Variants in PTPRG observed in about 807,000 individuals in gnomAD.
PTPRG encodes protein tyrosine phosphatase receptor type G, also known as receptor-type tyrosine-protein phosphatase gamma.
A neutral mutation model predicts 165.3 loss-of-function variants in PTPRG; 102 were observed. The observed-to-expected ratio is 0.62, with a 90% CI of 0.53 to 0.73. The LOEUF (loss-of-function observed/expected upper bound fraction) is 0.73, where lower values mean the gene tolerates loss of function less well. PTPRG is among the 30% of genes least tolerant of loss of function. The pLI is 0.00. For synonymous variants in PTPRG, 675 were observed against 669.5 expected, an observed-to-expected ratio of 1.01 and a Z score of -0.13; for missense variants, 1,866 against 1,861.4, an observed-to-expected ratio of 1.00 and a Z score of -0.05.
chr3:62,067,332 C>A (rs1478434624), intron 4 of PTPRG, among the ~76,000 whole-genome samples: 1 of 150,066 alleles, frequency 6.7e-6, no homozygotes, highest in Non-Finnish European at 1.5e-5. Context: ...GGGCACTATT[C>A]TTTGCATTTT....
chr3:61,921,129 T>TC, intron 2 of PTPRG, among the ~76,000 whole-genome samples: 1 of 144,184 alleles, frequency 6.9e-6, no homozygotes, highest in East Asian at 2.0e-4. Flanking sequence ...CCTTCCTTCC[T>TC]TCCTTCCTTC....
chr3:62,285,534 G>C lies in PTPRG; in HGVS notation c.4055+2665G>C, dbSNP rs886115433. Reference sequence around the variant, plus strand: ...GTGGCAGGTGGTTGTTGGGGGGGGGGGGTCTCAGGTGTGTCCCAGGTGGAT... The same window carrying C: ...GTGGCAGGTGGTTGTTGGGGGGGGGCGGTCTCAGGTGTGTCCCAGGTGGAT... On this transcript the variant is annotated intron_variant, in intron 28 of 29. Transcript: ENST00000474889. Among the ~76,000 whole-genome samples, 42 of 134,834 alleles carry C rather than the reference G, an allele frequency of 3.1e-4. 2 individuals are homozygous for C. In the East Asian group the frequency reaches 0.011, roughly 34 times the overall value. 88.5% of individuals were successfully genotyped at this position (134,834 alleles called of 152,430 possible). A position where few individuals can be genotyped will look rare whatever the true frequency, so the allele number is the denominator to read the frequency against.
chr3:61,738,193 C>T (rs1180146922), intron 1 of PTPRG, among the ~76,000 whole-genome samples: 5 of 147,732 alleles, frequency 3.4e-5, no homozygotes, highest in South Asian at 2.1e-4. Flanking sequence ...CCACCGCGCC[C>T]GGCCTATGCT....
At position 62,201,499 on chromosome 3, in the gene PTPRG, T is replaced by G; in HGVS notation, c.1328-6T>G. The G allele has an allele frequency of 6.3e-7, 1 of 1,594,784 alleles. No homozygotes were observed. The stretch of plus-strand genomic sequence containing the variant: ...ATTGCTTAAATGTAATTTCTTTGTT[T>G]CTCAGCTAATACCACTCGAATATTC... On this transcript the variant is annotated splice_polypyrimidine_tract_variant and splice_region_variant and intron_variant, in intron 10 of 29. Transcript: ENST00000474889.
intron 2 of PTPRG, among the ~76,000 whole-genome samples, chr3:61,799,264 A>C (rs891651520): frequency 4.6e-5 from 7 of 152,112 alleles, no homozygotes; most frequent in African/African-American, 1.4e-4. Flanking sequence ...GTAAAGAACC[A>C]AAATTAATAC....
intron 4 of PTPRG, among the ~76,000 whole-genome samples, chr3:62,041,549 C>T (rs1032828193): frequency 6.6e-6 from 1 of 152,242 alleles, no homozygotes; most frequent in East Asian, 1.9e-4. Flanking sequence ...ACCTTCCACT[C>T]CTAATTCTGA....
chr3:61,999,465 T>C (rs1419197180), intron 3 of PTPRG, among the ~76,000 whole-genome samples: 1 of 152,158 alleles, frequency 6.6e-6, no homozygotes, highest in African/African-American at 2.4e-5. Flanking sequence ...GGGTTTCAAT[T>C]TGTGAGTTTC....
chr3:62,203,089 C>T lies in PTPRG; in HGVS notation c.1378-84C>T. 2 of 1,513,550 alleles carry T rather than the reference C, an allele frequency of 1.3e-6. No homozygotes were observed. Among genetic ancestry groups the T allele is most frequent in the Non-Finnish European group, 1.8e-6 (2 of 1,131,478 alleles). The allele number at this position is 1,513,550 out of a possible 1,614,324, so 93.8% of individuals were successfully genotyped here. On this transcript the variant is annotated intron_variant, in intron 11 of 29. Coordinates refer to ENST00000474889, the MANE Select transcript of PTPRG (RefSeq NM_002841.4). The surrounding 1 kb of genome is among the most constrained non-coding windows in gnomAD (Gnocchi z 6.4). ...ATCCTCAGAGGGTGACAACCAGGGCCTCATTCCCAATCTCAATTACTGATG... is the reference window on the plus strand; with the variant it reads ...ATCCTCAGAGGGTGACAACCAGGGCTTCATTCCCAATCTCAATTACTGATG...
chr3:61,638,617 T>TG (rs1701983827), intron 1 of PTPRG, among the ~76,000 whole-genome samples: 1 of 114,716 alleles, frequency 8.7e-6, no homozygotes, highest in African/African-American at 3.3e-5. Flanking sequence ...TTTTTTTTTT[T>TG]TGGGGTAGAG....
At chr3:62,268,541 C>T (rs569289949) in intron 19 of PTPRG, among the ~76,000 whole-genome samples, 2 of 152,190 alleles carry the variant, frequency 1.3e-5, no homozygotes, top group Non-Finnish European at 2.9e-5. Context: ...ACCTACGCTT[C>T]AGGTTCCCTG....
intron 2 of PTPRG, among the ~76,000 whole-genome samples, chr3:61,918,600 T>G (rs1474097435): frequency 6.6e-6 from 1 of 152,288 alleles, no homozygotes; most frequent in Non-Finnish European, 1.5e-5. Flanking sequence ...AAGCCATACA[T>G]GTTGTCTAAT....
At chr3:61,658,111 T>C (rs750375878) in intron 1 of PTPRG, among the ~76,000 whole-genome samples, 1 of 152,178 alleles carries the variant, frequency 6.6e-6, no homozygotes, top group African/African-American at 2.4e-5. Flanking sequence ...TTTCTAGATT[T>C]GGAATTGAAT....
chr3:62,236,866 G>C (rs1576166462), intron 14 of PTPRG, among the ~76,000 whole-genome samples: 1 of 152,156 alleles, frequency 6.6e-6, no homozygotes, highest in East Asian at 1.9e-4. Context: ...AGAACAATGT[G>C]ACATCCCAAG....
At chr3:61,680,292 T>C (rs1308463778) in intron 1 of PTPRG, among the ~76,000 whole-genome samples, 2 of 151,782 alleles carry the variant, frequency 1.3e-5, no homozygotes, top group African/African-American at 2.4e-5. Context: ...GTAAGGAAAG[T>C]AGAGTGAGGG....
intron 1 of PTPRG, among the ~76,000 whole-genome samples, chr3:61,583,945 A>G (rs1700370260): frequency 1.3e-5 from 2 of 152,196 alleles, no homozygotes; most frequent in South Asian, 4.1e-4. Flanking sequence ...CTGGAAGTAC[A>G]CAGAAGGATA....
At chr3:61,846,272 C>A in intron 2 of PTPRG, among the ~76,000 whole-genome samples, 1 of 152,240 alleles carries the variant, frequency 6.6e-6, no homozygotes, top group African/African-American at 2.4e-5. Context: ...GTAATTAATT[C>A]GTACAATAGC....
intron 2 of PTPRG, among the ~76,000 whole-genome samples, chr3:61,936,503 A>C (rs1174229455): frequency 6.6e-6 from 1 of 152,208 alleles, no homozygotes; most frequent in Admixed American, 6.5e-5. Flanking sequence ...AATAAAAGCC[A>C]GAAAGTAGTC....
At chr3:62,142,691 T>A (rs904163813) in intron 6 of PTPRG, among the ~76,000 whole-genome samples, 1 of 152,136 alleles carries the variant, frequency 6.6e-6, no homozygotes, top group Non-Finnish European at 1.5e-5. Flanking sequence ...TGCAGTCCAA[T>A]GAAAGAACTC....
intron 2 of PTPRG, among the ~76,000 whole-genome samples, chr3:61,801,941 C>G (rs1371146868): frequency 2.0e-5 from 3 of 150,480 alleles, no homozygotes; most frequent in Non-Finnish European, 2.9e-5. Flanking sequence ...AGGAGAATCA[C>G]TTGAACCCGG....
Sources: gnomAD v4.1 joint callset for allele counts (sites outside exome capture counted in the v4.1 genomes callset) on GRCh38, gnomAD v4.1.1 for gene constraint, Gnocchi (gnomAD v3.1) non-coding constraint, MANE v1.5 for transcripts, NCBI Gene and HGNC (gene_info 2026-07-23, HGNC 2026-07-21) for gene names.